LIPC: variants seen among roughly 807,000 people sequenced by gnomAD.
LIPC encodes lipase C, hepatic type.
In LIPC, 44 loss-of-function variants were observed where a neutral mutation model predicts 50.7. The observed-to-expected ratio is 0.87, with a 90% CI of 0.68 to 1.11. LIPC has a LOEUF of 1.11. LIPC is among the 50% of genes most tolerant of loss of function. The pLI is 0.00. For missense variants in LIPC, 697 were observed against 648.2 expected (o/e 1.08, Z -0.82); for synonymous variants, 271 against 256.4 (o/e 1.06, Z -0.54).
At chr15:58,564,207 A>G (rs1894277668) in intron 8 of LIPC, among the ~76,000 whole-genome samples, 1 of 151,114 alleles carries the variant, frequency 6.6e-6, no homozygotes, top group Non-Finnish European at 1.5e-5. Context: ...CAGTTGCCAA[A>G]GAATCACTGG....
At chr15:58,465,412 T>G (rs1894517797) in intron 1 of LIPC, among the ~76,000 whole-genome samples, 1 of 152,122 alleles carries the variant, frequency 6.6e-6, no homozygotes, top group African/African-American at 2.4e-5. Context: ...CAAATTCACA[T>G]TTTTAGAAAA....
intron 1 of LIPC, chr15:58,435,271 G>C (rs1228297532): frequency 1.3e-5 from 2 of 152,182 alleles, no homozygotes; most frequent in African/African-American, 2.4e-5. Context: ...TATCTTACCT[G>C]TTTCTGTACT....
At chr15:58,472,615 G>A (rs1371584717) in intron 1 of LIPC, among the ~76,000 whole-genome samples, 1 of 151,532 alleles carries the variant, frequency 6.6e-6, no homozygotes, top group Non-Finnish European at 1.5e-5. Flanking sequence ...TCCCTCAAGG[G>A]GCTCACAGCC....
At chr15:58,510,974 T>C (rs763268476) in intron 1 of LIPC, among the ~76,000 whole-genome samples, 2 of 152,246 alleles carry the variant, frequency 1.3e-5, no homozygotes, top group Non-Finnish European at 2.9e-5. Context: ...TGACGTCTCA[T>C]TTCAGCATCT....
intron 2 of LIPC, 136 bp downstream of exon 2, chr15:58,538,653 A>G: frequency 1.2e-6 from 1 of 862,516 alleles, no homozygotes; most frequent in Non-Finnish European, 1.9e-6. Context: ...GCACGTTCTA[A>G]TTTTCCAAGT....
chr15:58,501,160 G>A (rs781145000), intron 1 of LIPC, among the ~76,000 whole-genome samples: 1 of 151,922 alleles, frequency 6.6e-6, no homozygotes, highest in African/African-American at 2.4e-5. Context: ...TTTCCTCTGC[G>A]TCTCTACAAC....
At chr15:58,502,186 T>G (rs1892006159) in intron 1 of LIPC, among the ~76,000 whole-genome samples, 1 of 152,186 alleles carries the variant, frequency 6.6e-6, no homozygotes, top group South Asian at 2.1e-4. Context: ...TCTTCTCATT[T>G]TCTTTCCTTC....
rs1225645999 is a variant in LIPC at position 58,500,783 on chromosome 15, C to A, written c.89-37550C>A. Among the ~76,000 whole-genome samples, 11 of 124,392 alleles carry A rather than the reference C, an allele frequency of 8.8e-5. No individual in the cohort carries two copies. The East Asian group carries it at 3.0e-3, about 34-fold the overall frequency. The allele number at this position is 124,392 out of a possible 152,430, so 81.6% of individuals were successfully genotyped here. A position where few individuals can be genotyped will look rare whatever the true frequency, so the allele number is the denominator to read the frequency against. On this transcript the variant is annotated intron_variant, in intron 1 of 8. Transcript: ENST00000299022. The stretch of plus-strand genomic sequence containing the variant: ...CCACCCCCCTTCTCATCCTTTTTGA[C>A]ACTTTTAGATTTGATATCTCTTCTA...
intron 1 of LIPC, among the ~76,000 whole-genome samples, chr15:58,526,867 G>A (rs1268499394): frequency 6.6e-6 from 1 of 152,230 alleles, no homozygotes; most frequent in African/African-American, 2.4e-5. Flanking sequence ...GAAGAAGGAA[G>A]TTGAGGCTCC....
chr15:58,558,688 C>A (rs2414596), intron 6 of LIPC, among the ~76,000 whole-genome samples: 1 of 152,022 alleles, frequency 6.6e-6, no homozygotes, highest in East Asian at 1.9e-4. Context: ...CTGAAGCTAT[C>A]CCCCCTGCCC....
chr15:58,545,674 G>T (rs927940325), intron 4 of LIPC, 68 bp from the exon 5 acceptor site: 1 of 1,335,194 alleles, frequency 7.5e-7, no homozygotes, highest in Non-Finnish European at 1.1e-6. Flanking sequence ...ATATCCAAAA[G>T]CTAAAAAGCA....
At chr15:58,536,614 GCAGCCA>G (rs1427765205) in intron 1 of LIPC, among the ~76,000 whole-genome samples, 1 of 152,162 alleles carries the variant, frequency 6.6e-6, no homozygotes, top group East Asian at 1.9e-4. Flanking sequence ...AGACAGGAGG[GCAGCCA>G]GTGAAATCAG....
intron 1 of LIPC, among the ~76,000 whole-genome samples, chr15:58,514,772 CA>C (rs1224146673): frequency 1.3e-5 from 2 of 152,162 alleles, no homozygotes; most frequent in Admixed American, 1.3e-4. Flanking sequence ...TGTGGTGAGC[CA>C]AGATGGTGCC....
chr15:58,550,382 GGAA>G (rs1396737044), intron 6 of LIPC, among the ~76,000 whole-genome samples: 1 of 152,188 alleles, frequency 6.6e-6, no homozygotes, highest in Non-Finnish European at 1.5e-5. Context: ...ATCAAGAGAA[GGAA>G]GAAGGGGAAA....
rs188899507 is a variant in LIPC, at chr15:58,524,188, A to G, written c.89-14145A>G. ...TTACTTATGCCCCCACCCTTCCACA[A>G]AAGTATCACACTTTAGATACTGTTC... On this transcript the variant is annotated intron_variant, in intron 1 of 8. Transcript: ENST00000299022. 2.0e-3 allele frequency among the ~76,000 whole-genome samples: 303 copies of G among 152,278 alleles called. 1 individual carries two copies. The highest frequency in any genetic ancestry group is 6.9e-3 in the African/African-American group (286 of 41,560).
chr15:58,494,926 C>T (rs980635506), intron 1 of LIPC: 3 of 454,198 alleles, frequency 6.6e-6, no homozygotes, highest in African/African-American at 4.0e-5. Context: ...AGTCCAGTCC[C>T]TCACTGGGCT....
chr15:58,524,009 A>C lies in LIPC; in HGVS notation c.89-14324A>C, dbSNP rs531434025. On this transcript the variant is annotated intron_variant, in intron 1 of 8. Transcript: ENST00000299022. ...CATGGCTCAGAAATTAAAAGAATGT[A>C]AAATAGAATAGATTTGCAAAATCTC... is the stretch of plus-strand genomic sequence containing the variant. 2.0e-5 allele frequency among the ~76,000 whole-genome samples: 3 copies of C among 152,348 alleles called. No individual in the cohort carries two copies. The South Asian group carries it at 6.2e-4, about 32-fold the overall frequency.
In LIPC at chr15:58,545,960, C is replaced by T. The variant is rs1006546824; in HGVS notation, c.793C>T (p.Gln265Ter). 1 of 1,613,556 alleles carries T rather than the reference C, an allele frequency of 6.2e-7. No individual in the cohort carries two copies. The highest frequency in any genetic ancestry group is 8.5e-7 in the Non-Finnish European group (1 of 1,179,424). ...HFLELYRHIAQHGFNAITQTI... is the reference protein window; with the variant it reads ...HFLELYRHIA ...CCTAGAGCTCTACAGACATATTGCC[C>T]AGCACGGCTTCAATGGTGAGAATGA... The change falls in exon 5 of 9, where the codon CAG (glutamine) becomes TAG (stop). Residue 265 changes from glutamine to a stop codon, truncating the protein, a stop_gained. Coordinates refer to ENST00000299022, the MANE Select transcript of LIPC (RefSeq NM_000236.3). LOFTEE classifies it high-confidence loss of function.
chr15:58,562,974 A>T (rs1421955053), intron 7 of LIPC, among the ~76,000 whole-genome samples: 1 of 152,236 alleles, frequency 6.6e-6, no homozygotes, highest in African/African-American at 2.4e-5. Context: ...AAAGCTGATC[A>T]TGATACCTCA....
Sources: gnomAD v4.1 joint callset for allele counts (sites outside exome capture counted in the v4.1 genomes callset) on GRCh38, gnomAD v4.1.1 for gene constraint, MANE v1.5 for transcripts, NCBI Gene and HGNC (gene_info 2026-07-23, HGNC 2026-07-21) for gene names.